CCDC196: variants seen among roughly 807,000 people sequenced by gnomAD.
The protein encoded by CCDC196 is coiled-coil domain containing 196.
chr14:66,488,454 A>C (rs1459118611), intron 3 of CCDC196, among the ~76,000 whole-genome samples, 198 bp downstream of exon 3: 1 of 152,212 alleles, frequency 6.6e-6, no homozygotes, highest in Non-Finnish European at 1.5e-5. Context: ...CTAGCAAGCA[A>C]AAATTCTATT....
chr14:66,492,339 C>CT (rs11449017), intron 8 of CCDC196, 145 bp downstream of exon 8: 204,122 of 297,766 alleles, frequency 0.69, 61,525 homozygotes, highest in African/African-American at 0.87. Flanking sequence ...TTTTCATTAT[C>CT]TTTTTTTTTT....
intron 3 of CCDC196, 135 bp downstream of exon 3, chr14:66,488,391 G>C (rs1288698567): frequency 2.5e-6 from 1 of 395,048 alleles, no homozygotes; most frequent in African/African-American, 2.1e-5. Flanking sequence ...CCTTGATCTA[G>C]AAAGTCCAGG....
chr14:66,488,070 T>G (rs1190020223), intron 2 of CCDC196, 90 bp from the exon 3 acceptor site: 1 of 407,480 alleles, frequency 2.5e-6, no homozygotes, highest in African/African-American at 2.1e-5. Context: ...CATCTAACTT[T>G]CATGGTAGAG....
At chr14:66,490,891 T>G (rs1274185348) in intron 5 of CCDC196, 72 bp downstream of exon 5, 1 of 408,580 alleles carries the variant, frequency 2.4e-6, no homozygotes, top group East Asian at 3.6e-5. Flanking sequence ...CTGCTGACAA[T>G]CAGGGCTAAT....
intron 4 of CCDC196, among the ~76,000 whole-genome samples, chr14:66,489,954 G>A (rs1327135314): frequency 6.6e-6 from 1 of 152,176 alleles, no homozygotes; most frequent in Non-Finnish European, 1.5e-5. Context: ...GCAACTAGAA[G>A]AGTAGACTGT....
At chr14:66,487,031 G>A (rs1237289440) in intron 2 of CCDC196, among the ~76,000 whole-genome samples, 2 of 151,942 alleles carry the variant, frequency 1.3e-5, no homozygotes, top group Non-Finnish European at 2.9e-5. Context: ...ATTTCGTGGG[G>A]CTAGTTATAA....
chr14:66,491,312 C>T (rs565331080), intron 6 of CCDC196, among the ~76,000 whole-genome samples: 48 of 152,100 alleles, frequency 3.2e-4, no homozygotes, highest in Admixed American at 9.8e-4. Context: ...GAAGCTATAC[C>T]AACAATGATA....
In CCDC196 at chr14:66,486,523, T is replaced by C. The variant is rs199809906; in HGVS notation, c.21T>C (p.Ser7=). ...TCAAGATGACAAGTGGTGCAAACTC[T>C]TCAGGATCTTACCTGCCCTCAGAAA... MTSGAN[S]SGSYLPSEIR... Residue 7 remains serine, a synonymous_variant, in exon 1 of 10, where the codon TCT becomes TCC. Transcript: ENST00000636229. The C allele has an allele frequency of 6.8e-4, 282 of 412,814 alleles. No homozygotes were observed. The highest frequency in any genetic ancestry group is 1.1e-3 in the Non-Finnish European group (251 of 226,106). The allele number at this position is 412,814 out of a possible 1,614,324, so 25.6% of individuals were successfully genotyped here. A position where few individuals can be genotyped will look rare whatever the true frequency, so the allele number is the denominator to read the frequency against.
At chr14:66,488,310 T>C in intron 3 of CCDC196, 54 bp downstream of exon 3, 1 of 410,200 alleles carries the variant, frequency 2.4e-6, no homozygotes, top group Non-Finnish European at 4.4e-6. Context: ...CTCAATTCCA[T>C]TGCAGTGTCA....
chr14:66,491,551 C>T (rs928888721), intron 6 of CCDC196, 75 bp from the exon 7 acceptor site: 7 of 412,934 alleles, frequency 1.7e-5, no homozygotes, highest in East Asian at 1.4e-4. Flanking sequence ...TGCTATAAGG[C>T]TTTTGCAGCA....
intron 8 of CCDC196, among the ~76,000 whole-genome samples, chr14:66,497,411 A>C (rs2057691648): frequency 6.6e-6 from 1 of 152,190 alleles, no homozygotes; most frequent in South Asian, 2.1e-4. Flanking sequence ...ATTTGTGGGC[A>C]TCACACACTC....
chr14:66,491,331 A>G (rs2057530303), intron 6 of CCDC196, among the ~76,000 whole-genome samples: 1 of 152,212 alleles, frequency 6.6e-6, no homozygotes, highest in Non-Finnish European at 1.5e-5. Context: ...TAACTCTGCA[A>G]CAGCTAAATG....
At chr14:66,494,606 TAG>T (rs1294348168) in intron 8 of CCDC196, 2 of 152,202 alleles carry the variant, frequency 1.3e-5, no homozygotes, top group African/African-American at 4.8e-5. Context: ...GAAGAATCAA[TAG>T]AGTTTTCCAC....
intron 8 of CCDC196, chr14:66,494,534 T>A (rs1473874702): frequency 6.6e-6 from 1 of 152,226 alleles, no homozygotes; most frequent in South Asian, 2.1e-4. Flanking sequence ...GTTGTTTACA[T>A]TGACTTCTTT....
chr14:66,491,807 C>T, intron 7 of CCDC196, 122 bp downstream of exon 7: 1 of 411,938 alleles, frequency 2.4e-6, no homozygotes. Flanking sequence ...CCTGCTAAAA[C>T]AAATGTATCA....
chr14:66,493,943 G>T (rs2057602190), intron 8 of CCDC196: 1 of 152,122 alleles, frequency 6.6e-6, no homozygotes, highest in Non-Finnish European at 1.5e-5. Context: ...GGATCTATAT[G>T]GTAAAGAGCC....
intron 8 of CCDC196, chr14:66,494,588 T>C (rs1360574228): frequency 6.6e-6 from 1 of 152,200 alleles, no homozygotes; most frequent in East Asian, 1.9e-4. Context: ...TATATTACTA[T>C]TTTAAATGAA....
chr14:66,489,889 C>T (rs190088173), intron 4 of CCDC196, among the ~76,000 whole-genome samples: 14 of 152,266 alleles, frequency 9.2e-5, no homozygotes, highest in East Asian at 3.9e-4. Context: ...GTCCCTTGTC[C>T]GAGACTTTGT....
intron 4 of CCDC196, 107 bp from the exon 5 acceptor site, chr14:66,490,635 T>A (rs2057513440): frequency 2.5e-6 from 1 of 397,358 alleles, no homozygotes; most frequent in East Asian, 3.6e-5. Context: ...TGCCAGGCCC[T>A]GAGAAGCTGC....
Sources: allele counts gnomAD v4.1 joint callset (sites outside exome capture counted in the v4.1 genomes callset), GRCh38; gene constraint gnomAD v4.1.1; transcripts MANE v1.5; gene names NCBI Gene and HGNC (gene_info 2026-07-23, HGNC 2026-07-21).